The following EPHA3 variants were observed in gnomAD, a reference collection of about 807,000 sequenced individuals.
The protein encoded by EPHA3 is ephrin type-A receptor 3.
A neutral mutation model predicts 107.1 loss-of-function variants in EPHA3; 42 were observed. That is an observed-to-expected ratio of 0.39 (90% confidence interval 0.31 to 0.51). The LOEUF (loss-of-function observed/expected upper bound fraction) is 0.51. Among genes scored for constraint, EPHA3 ranks in the 20% least tolerant of loss-of-function variants. EPHA3 has a pLI of 0.78. For missense variants in EPHA3, 1,183 were observed against 1,211.2 expected (o/e 0.98, Z 0.35); for synonymous variants, 461 against 424.8 (o/e 1.09, Z -1.05).
intron 2 of EPHA3, among the ~76,000 whole-genome samples, chr3:89,188,024 G>A (rs1345415078): frequency 6.6e-6 from 1 of 152,000 alleles, no homozygotes; most frequent in Non-Finnish European, 1.5e-5. Context: ...GGATTTTAAT[G>A]GGCAATATAT....
At chr3:89,300,291 T>C (rs1706451037) in intron 3 of EPHA3, among the ~76,000 whole-genome samples, 1 of 152,060 alleles carries the variant, frequency 6.6e-6, no homozygotes, top group South Asian at 2.1e-4. Context: ...AGTGTCACTA[T>C]AAACTACTCT....
intron 15 of EPHA3, among the ~76,000 whole-genome samples, chr3:89,460,977 T>TC (rs1456303971): frequency 9.2e-6 from 1 of 108,226 alleles, no homozygotes; most frequent in Non-Finnish European, 1.9e-5. Flanking sequence ...CCCTCCCCCC[T>TC]CCCCCGACCC....
intron 5 of EPHA3, among the ~76,000 whole-genome samples, chr3:89,378,543 AAAT>A (rs1708444704): frequency 1.3e-5 from 2 of 152,318 alleles, no homozygotes; most frequent in East Asian, 3.9e-4. Flanking sequence ...ACAAGCTTGG[AAAT>A]AATGTTTAGA....
Position 89,395,097 on chromosome 3 carries a change from G to A in EPHA3, c.1307-740G>A, listed in dbSNP as rs536541468. On this transcript the variant is annotated intron_variant, in intron 5 of 16. Transcript: ENST00000336596. The stretch of plus-strand genomic sequence containing the variant: ...GTTTTTATTCATATTCCATACTTTC[G>A]ATAATGCTTAGCAAAACATAGCAAA... Among the ~76,000 whole-genome samples the A allele has an allele frequency of 3.3e-5, 5 of 152,124 alleles. No homozygotes were observed. The East Asian group carries it at 5.8e-4, about 18-fold the overall frequency.
intron 3 of EPHA3, among the ~76,000 whole-genome samples, chr3:89,336,638 A>G (rs182860062): frequency 1.8e-4 from 28 of 152,302 alleles, no homozygotes; most frequent in Admixed American, 1.0e-3. Flanking sequence ...AAATTTACTT[A>G]TATGCCTCCC....
intron 2 of EPHA3, among the ~76,000 whole-genome samples, chr3:89,168,737 C>A (rs946314297): frequency 6.6e-6 from 1 of 151,942 alleles, no homozygotes; most frequent in African/African-American, 2.4e-5. Flanking sequence ...TTACAAAATG[C>A]ATATTTGCCT....
At chr3:89,270,328 T>C (rs1411467287) in intron 3 of EPHA3, among the ~76,000 whole-genome samples, 1 of 152,024 alleles carries the variant, frequency 6.6e-6, no homozygotes, top group African/African-American at 2.4e-5. Flanking sequence ...CCTATGACCT[T>C]TATACTCAGA....
At chr3:89,435,207 C>T (rs960063737) in intron 13 of EPHA3, among the ~76,000 whole-genome samples, 1 of 151,820 alleles carries the variant, frequency 6.6e-6, no homozygotes, top group African/African-American at 2.4e-5. Context: ...GGGAATTTCT[C>T]TTTTGGAATT....
intron 2 of EPHA3, among the ~76,000 whole-genome samples, chr3:89,154,083 G>T (rs1303530049): frequency 1.3e-5 from 2 of 151,860 alleles, no homozygotes; most frequent in East Asian, 1.9e-4. Context: ...TTGACCTCTC[G>T]TTGTGGCTTG....
chr3:89,450,232 C>A lies in EPHA3; in HGVS notation c.2552C>A (p.Ala851Asp), dbSNP rs2107555019. Reference protein sequence around the residue: ...YRLPPPMDCPAALYQLMLDCW... With the variant: ...YRLPPPMDCPDALYQLMLDCW... ...CTGCCACCCCCCATGGACTGCCCAG[C>A]TGCCTTGTATCAGCTGATGCTGGAC... The change falls in exon 15 of 17, where the codon GCT becomes GAT. Residue 851 changes from alanine (A) to aspartate (D), a missense_variant. Coordinates refer to ENST00000336596, the MANE Select transcript of EPHA3 (RefSeq NM_005233.6). 6.2e-7 allele frequency: 1 copy of A among 1,613,676 alleles called. No homozygotes were observed. The highest frequency in any genetic ancestry group is 1.1e-5 in the South Asian group (1 of 90,946).
In EPHA3 at chr3:89,230,182, G is replaced by A. The variant is rs1423072101; in HGVS notation, c.814+19662G>A. Reference sequence around the variant, plus strand: ...AAGGTCATTCCAGCTCTTTGTAGCAGATCCCAACTAGAAGGAAGGGACTAT... The same window carrying A: ...AAGGTCATTCCAGCTCTTTGTAGCAAATCCCAACTAGAAGGAAGGGACTAT... On this transcript the variant is annotated intron_variant, in intron 3 of 16. Transcript: ENST00000336596. Among the ~76,000 whole-genome samples, 3 of 152,172 alleles carry A rather than the reference G, an allele frequency of 2.0e-5. No homozygotes were observed. In the East Asian group the frequency reaches 5.8e-4, roughly 29 times the overall value.
intron 2 of EPHA3, among the ~76,000 whole-genome samples, chr3:89,132,400 G>A (rs999939355): frequency 6.6e-6 from 1 of 152,126 alleles, no homozygotes; most frequent in South Asian, 2.1e-4. Flanking sequence ...GGAGGCTATG[G>A]CTATGGCATA....
At chr3:89,408,699 T>G (rs1709101032) in intron 9 of EPHA3, among the ~76,000 whole-genome samples, 1 of 152,130 alleles carries the variant, frequency 6.6e-6, no homozygotes, top group Non-Finnish European at 1.5e-5. Flanking sequence ...AGAAACAAAG[T>G]GTTTACAACT....
chr3:89,308,435 G>T (rs564417079), intron 3 of EPHA3, among the ~76,000 whole-genome samples: 1 of 152,256 alleles, frequency 6.6e-6, no homozygotes, highest in African/African-American at 2.4e-5. Context: ...CTATAATAGT[G>T]TGTGGGTGGG....
chr3:89,389,905 A>C (rs548611727), intron 5 of EPHA3, among the ~76,000 whole-genome samples: 2 of 152,318 alleles, frequency 1.3e-5, no homozygotes, highest in South Asian at 4.1e-4. Context: ...AATGTGCAAA[A>C]ATCTTCCTTC....
At chr3:89,272,053 T>C (rs1705681945) in intron 3 of EPHA3, among the ~76,000 whole-genome samples, 1 of 152,058 alleles carries the variant, frequency 6.6e-6, no homozygotes, top group Admixed American at 6.6e-5. Context: ...TAGTTTACTT[T>C]ATTGTAATAA....
At chr3:89,319,429 A>C (rs1706988990) in intron 3 of EPHA3, among the ~76,000 whole-genome samples, 1 of 152,016 alleles carries the variant, frequency 6.6e-6, no homozygotes, top group Non-Finnish European at 1.5e-5. Context: ...ATAGGACATA[A>C]TTCTTCTCAC....
At chr3:89,287,207 T>G (rs62274988) in intron 3 of EPHA3, among the ~76,000 whole-genome samples, 596 of 152,290 alleles carry the variant, frequency 3.9e-3, no homozygotes, top group Non-Finnish European at 5.3e-3. Flanking sequence ...TCTTTACATG[T>G]AATAAATCTA....
chr3:89,340,269 G>T (rs1410799556), intron 3 of EPHA3, among the ~76,000 whole-genome samples: 1 of 152,108 alleles, frequency 6.6e-6, no homozygotes, highest in African/African-American at 2.4e-5. Flanking sequence ...AAGTGTATTA[G>T]TTTAAATAGG....
Sources: gnomAD v4.1 joint callset for allele counts (sites outside exome capture counted in the v4.1 genomes callset) on GRCh38, gnomAD v4.1.1 for gene constraint, MANE v1.5 for transcripts, NCBI Gene and HGNC (gene_info 2026-07-23, HGNC 2026-07-21) for gene names.